Variants in TAX1BP1 observed in about 807,000 individuals in gnomAD.
TAX1BP1 encodes the protein Tax1 binding protein 1.
A neutral mutation model predicts 97.7 loss-of-function variants in TAX1BP1; 62 were observed. The observed-to-expected ratio is 0.63, with a 90% CI of 0.52 to 0.78. TAX1BP1 has a LOEUF of 0.78. Among genes scored for constraint, TAX1BP1 ranks in the 30% least tolerant of loss-of-function variants. TAX1BP1 has a pLI of 0.00. For missense variants in TAX1BP1, 867 were observed against 916.1 expected (o/e 0.95, Z 0.69); for synonymous variants, 340 against 304.2 (o/e 1.12, Z -1.23).
chr7:27,800,344 A>T (rs1406238415), intron 13 of TAX1BP1, among the ~76,000 whole-genome samples: 1 of 152,122 alleles, frequency 6.6e-6, no homozygotes, highest in East Asian at 1.9e-4. Flanking sequence ...ACATCTTTTA[A>T]TTGTGTTTAT....
At chr7:27,755,452 C>T (rs1025123690) in intron 2 of TAX1BP1, among the ~76,000 whole-genome samples, 1 of 152,048 alleles carries the variant, frequency 6.6e-6, no homozygotes, top group Non-Finnish European at 1.5e-5. Context: ...ATGTTTCTGT[C>T]TTTTTCTCAA....
intron 4 of TAX1BP1, among the ~76,000 whole-genome samples, chr7:27,766,419 C>CAAAAAAAAAAAAAAAAAAAAAAAA (rs201297532): frequency 2.6e-5 from 2 of 76,886 alleles, no homozygotes; most frequent in African/African-American, 6.1e-5. Context: ...GACTCCGTAT[C>CAAAAAAAAAAAAAAAAAAAAAAAA]AAAAAAAAAA....
rs1782634019 is a variant in TAX1BP1 at position 27,829,731 on chromosome 7, CATTAAAGAAAGAGG to C, written c.*904_*917del. On this transcript the variant is annotated 3_prime_UTR_variant, in exon 17 of 17. Transcript: ENST00000396319. ...CTGTGCTGTATAGAACTGTCACTAA[CATTAAAGAAAGAGG>C]ACACATTTTTCAAGATCTGTAATTT... 1 of 152,150 alleles carries C rather than the reference CATTAAAGAAAGAGG, an allele frequency of 6.6e-6. No individual in the cohort carries two copies. The highest frequency in any genetic ancestry group is 2.4e-5 in the African/African-American group (1 of 41,432). The allele number at this position is 152,150 out of a possible 1,614,324, so 9.4% of individuals were successfully genotyped here.
At chr7:27,783,769 T>TA (rs1194203277) in intron 5 of TAX1BP1, among the ~76,000 whole-genome samples, 5 of 151,860 alleles carry the variant, frequency 3.3e-5, no homozygotes, top group Admixed American at 6.6e-5. Flanking sequence ...AAACTAAAAA[T>TA]AAAAAAAATG....
At chr7:27,773,360 A>G (rs1030784812) in intron 5 of TAX1BP1, among the ~76,000 whole-genome samples, 2 of 152,114 alleles carry the variant, frequency 1.3e-5, no homozygotes, top group African/African-American at 4.8e-5. Context: ...TGTATTTACA[A>G]AATCATGCAA....
At chr7:27,778,419 G>A (rs886671421) in intron 5 of TAX1BP1, among the ~76,000 whole-genome samples, 1 of 152,042 alleles carries the variant, frequency 6.6e-6, no homozygotes, top group Non-Finnish European at 1.5e-5. Context: ...TTTAACAAAC[G>A]TGGACTTTTA....
At chr7:27,823,284 T>G (rs2128326828) in intron 15 of TAX1BP1, among the ~76,000 whole-genome samples, 1 of 152,200 alleles carries the variant, frequency 6.6e-6, no homozygotes, top group Admixed American at 6.5e-5. Context: ...TTACCCAGAG[T>G]CATTGGGTAC....
At chr7:27,802,030 G>A (rs921105076) in intron 13 of TAX1BP1, among the ~76,000 whole-genome samples, 1 of 152,216 alleles carries the variant, frequency 6.6e-6, no homozygotes, top group Non-Finnish European at 1.5e-5. Context: ...TAAGTAGATG[G>A]AAGAGCATTA....
In TAX1BP1 at chr7:27,758,042, T is replaced by C. The variant is rs1254449895; in HGVS notation, c.174T>C (p.Ser58=). 6.2e-7 allele frequency: 1 copy of C among 1,610,544 alleles called. No individual in the cohort carries two copies. The highest frequency in any genetic ancestry group is 1.1e-5 in the South Asian group (1 of 90,592). ...DWVGIFKVGW[S]TARDYYTFLW... is the part of the protein sequence containing the mutation. ...TTATTTCCCTTTAGGTTGGATGGAGTACTGCTCGTGATTATTACACGTTTT... is the reference window on the plus strand; with the variant it reads ...TTATTTCCCTTTAGGTTGGATGGAGCACTGCTCGTGATTATTACACGTTTT... The change falls in exon 3 of 17, where the codon AGT becomes AGC. Residue 58 remains serine, a synonymous_variant. Coordinates refer to ENST00000396319, the MANE Select transcript of TAX1BP1 (RefSeq NM_006024.7).
At chr7:27,792,976 GAAAAA>G in intron 9 of TAX1BP1, 85 bp from the exon 10 acceptor site, 1 of 1,259,662 alleles carries the variant, frequency 7.9e-7, no homozygotes, top group Non-Finnish European at 1.1e-6. Flanking sequence ...ACAAAAAAAA[GAAAAA>G]AAGTAAGATT....
chr7:27,778,117 T>C (rs965757463), intron 5 of TAX1BP1, among the ~76,000 whole-genome samples: 15 of 152,188 alleles, frequency 9.9e-5, no homozygotes, highest in African/African-American at 3.6e-4. Context: ...TGGCATTCTG[T>C]TCTTAGTTTT....
chr7:27,776,765 T>C (rs75212467), intron 5 of TAX1BP1, among the ~76,000 whole-genome samples: 1,852 of 150,616 alleles, frequency 0.012, 78 homozygotes, highest in East Asian at 0.1. Flanking sequence ...AGTACACATA[T>C]GTTTTGTTGC....
At chr7:27,748,079 G>T (rs749822230) in intron 1 of TAX1BP1, among the ~76,000 whole-genome samples, 4 of 152,030 alleles carry the variant, frequency 2.6e-5, no homozygotes, top group Non-Finnish European at 5.9e-5. Context: ...TACATAGGAA[G>T]GAAATGTTAA....
chr7:27,751,174 T>G (rs983489265), intron 2 of TAX1BP1, among the ~76,000 whole-genome samples: 2 of 152,198 alleles, frequency 1.3e-5, no homozygotes, highest in African/African-American at 4.8e-5. Context: ...GATTGTAAGT[T>G]TTCTCTCAGC....
intron 8 of TAX1BP1, among the ~76,000 whole-genome samples, chr7:27,789,315 TTTA>T (rs1248770243): frequency 1.3e-5 from 2 of 152,072 alleles, no homozygotes. Flanking sequence ...TTGATTTATT[TTTA>T]TTGTTTGAAT....
intron 5 of TAX1BP1, among the ~76,000 whole-genome samples, chr7:27,781,833 C>T (rs185326398): frequency 0.01 from 1,579 of 151,924 alleles, 19 homozygotes; most frequent in Non-Finnish European, 0.013. Context: ...ATTCTTGTGC[C>T]TCAGCCTCCG....
At position 27,793,206 on chromosome 7, in the gene TAX1BP1, T is replaced by G; in HGVS notation, c.1404T>G (p.Asp468Glu). 2.5e-6 allele frequency: 4 copies of G among 1,581,464 alleles called. No individual in the cohort carries two copies. Among genetic ancestry groups the G allele is most frequent in the Non-Finnish European group, 3.4e-6 (4 of 1,172,404 alleles). ...AAAAACAAATAAACAAACTTTCAGA[T>G]CAATCAGTAAGTATCATTAAATTTA... ...RLQKQINKLSDQSANNNNVFT... is the reference protein window; with the variant it reads ...RLQKQINKLSEQSANNNNVFT... Residue 468 changes from aspartate to glutamate, a missense_variant, in exon 10 of 17, where the codon GAT becomes GAG. By Grantham distance (45) the Asp-to-Glu change is conservative (BLOSUM62 2). Transcript: ENST00000396319.
intron 15 of TAX1BP1, among the ~76,000 whole-genome samples, 170 bp downstream of exon 15, chr7:27,817,208 G>A (rs1358715309): frequency 6.6e-6 from 1 of 152,146 alleles, no homozygotes; most frequent in East Asian, 1.9e-4. Flanking sequence ...TTTGAAAACT[G>A]TGCTTGTATT....
chr7:27,781,625 G>C (rs1042046653), intron 5 of TAX1BP1, among the ~76,000 whole-genome samples: 1 of 152,160 alleles, frequency 6.6e-6, no homozygotes, highest in African/African-American at 2.4e-5. Context: ...GGAGTGAGTA[G>C]TGAGTGAATG....
Sources: gnomAD v4.1 joint callset for allele counts (sites outside exome capture counted in the v4.1 genomes callset) on GRCh38, gnomAD v4.1.1 for gene constraint, MANE v1.5 for transcripts, NCBI Gene and HGNC (gene_info 2026-07-23, HGNC 2026-07-21) for gene names.